Variants in MAGI3 observed in about 807,000 individuals in gnomAD.
MAGI3 encodes the protein membrane associated guanylate kinase, WW and PDZ domain containing 3.
In MAGI3, 43 loss-of-function variants were observed where a neutral mutation model predicts 121.8. That is an observed-to-expected ratio of 0.35 (90% CI 0.28 to 0.46). The LOEUF is 0.46. MAGI3 is among the 20% of genes least tolerant of loss of function. MAGI3 has a pLI of 1.00. For missense variants in MAGI3, 1,547 were observed against 1,797.3 expected, an observed-to-expected ratio of 0.86 and a Z score of 2.52; for synonymous variants, 553 against 639.3, an observed-to-expected ratio of 0.86 and a Z score of 2.04.
At chr1:113,488,069 T>C (rs1656479977) in intron 1 of MAGI3, among the ~76,000 whole-genome samples, 2 of 152,188 alleles carry the variant, frequency 1.3e-5, no homozygotes, top group African/African-American at 4.8e-5. Context: ...ATACACCAAA[T>C]ATTTTACATG....
At chr1:113,600,659 T>C (rs545343731) in intron 6 of MAGI3, among the ~76,000 whole-genome samples, 3,501 of 152,250 alleles carry the variant, frequency 0.023, 139 homozygotes, top group African/African-American at 0.079. Context: ...AGGTAATTTA[T>C]AGATTCAATG....
intron 16 of MAGI3, among the ~76,000 whole-genome samples, chr1:113,664,513 A>G (rs1653937338): frequency 6.6e-6 from 1 of 152,224 alleles, no homozygotes; most frequent in Non-Finnish European, 1.5e-5. Context: ...TCAGCCCAGA[A>G]GTTTAGGCCA....
chr1:113,674,391 TA>T (rs35665087), intron 19 of MAGI3, among the ~76,000 whole-genome samples: 45,844 of 124,110 alleles, frequency 0.37, 8,766 homozygotes, highest in South Asian at 0.51. Context: ...AAACTCCATT[TA>T]AAAAAAAAAA....
intron 1 of MAGI3, among the ~76,000 whole-genome samples, chr1:113,538,315 A>C (rs1397273654): frequency 6.6e-6 from 1 of 152,214 alleles, no homozygotes; most frequent in African/African-American, 2.4e-5. Flanking sequence ...TGATTTGTAA[A>C]GACTACTAAA....
chr1:113,588,058 G>A (rs1648486512), intron 4 of MAGI3, among the ~76,000 whole-genome samples: 1 of 152,220 alleles, frequency 6.6e-6, no homozygotes, highest in South Asian at 2.1e-4. Flanking sequence ...TCTGGTGGGA[G>A]AGACAGAACT....
intron 1 of MAGI3, among the ~76,000 whole-genome samples, chr1:113,441,541 A>G (rs912191847): frequency 2.6e-5 from 4 of 152,206 alleles, no homozygotes; most frequent in East Asian, 3.9e-4. Flanking sequence ...CCTGAGATCT[A>G]TAAAATACCA....
chr1:113,584,967 C>CTTTT (rs58296325), intron 3 of MAGI3, among the ~76,000 whole-genome samples: 2 of 135,724 alleles, frequency 1.5e-5, no homozygotes, highest in Non-Finnish European at 1.5e-5. Flanking sequence ...TAGATATTTC[C>CTTTT]TTTTTTTTTT....
intron 15 of MAGI3, among the ~76,000 whole-genome samples, chr1:113,655,802 C>T (rs1030702046): frequency 3.3e-5 from 5 of 152,140 alleles, no homozygotes; most frequent in African/African-American, 1.2e-4. Flanking sequence ...CTCCCTGTCT[C>T]ATGAATGTGA....
chr1:113,559,415 C>G (rs929380656), intron 2 of MAGI3, among the ~76,000 whole-genome samples: 3 of 151,924 alleles, frequency 2.0e-5, no homozygotes, highest in Non-Finnish European at 4.4e-5. Flanking sequence ...AGACTTCAAC[C>G]AACAGACTTT....
At chr1:113,656,286 A>G (rs574512928) in intron 15 of MAGI3, among the ~76,000 whole-genome samples, 6 of 152,234 alleles carry the variant, frequency 3.9e-5, no homozygotes, top group Non-Finnish European at 7.3e-5. Context: ...GAAAGCTCCA[A>G]TGAGGAGTTT....
chr1:113,420,074 A>G (rs1342192901), intron 1 of MAGI3, among the ~76,000 whole-genome samples: 1 of 152,228 alleles, frequency 6.6e-6, no homozygotes, highest in Non-Finnish European at 1.5e-5. Flanking sequence ...ATTTGTACTC[A>G]CATTAAGGGA....
intron 7 of MAGI3, among the ~76,000 whole-genome samples, chr1:113,617,564 T>G (rs910429270): frequency 1.3e-5 from 2 of 152,200 alleles, no homozygotes; most frequent in Non-Finnish European, 2.9e-5. Context: ...GGAAAAGGAT[T>G]ACTCATTTGC....
At chr1:113,436,612 A>G (rs1311909494) in intron 1 of MAGI3, among the ~76,000 whole-genome samples, 1 of 152,138 alleles carries the variant, frequency 6.6e-6, no homozygotes, top group African/African-American at 2.4e-5. Flanking sequence ...TGAGCTGGGT[A>G]ATGTTAATAG....
intron 2 of MAGI3, among the ~76,000 whole-genome samples, chr1:113,576,171 GCTT>G (rs1359514456): frequency 6.6e-6 from 1 of 152,118 alleles, no homozygotes; most frequent in Non-Finnish European, 1.5e-5. Context: ...TGGCTCCCTG[GCTT>G]CAGCCCCCTT....
At chr1:113,549,989 G>A (rs920173076) in intron 2 of MAGI3, among the ~76,000 whole-genome samples, 22 of 151,590 alleles carry the variant, frequency 1.5e-4, no homozygotes, top group South Asian at 2.1e-4. Context: ...GGTGGCGGGC[G>A]CCTATAATCC....
chr1:113,637,749 T>A (rs554629749), intron 9 of MAGI3, among the ~76,000 whole-genome samples: 11 of 152,330 alleles, frequency 7.2e-5, no homozygotes, highest in Non-Finnish European at 1.5e-4. Flanking sequence ...TGGCATTCTC[T>A]GTATTTCCTG....
intron 20 of MAGI3, 109 bp downstream of exon 20, chr1:113,681,445 G>A (rs926509019): frequency 3.1e-5 from 38 of 1,215,452 alleles, no homozygotes; most frequent in Non-Finnish European, 4.2e-5. Context: ...TTAATTCAGA[G>A]GTGAATGCTA....
chr1:113,403,495 A>T (rs1359704386), intron 1 of MAGI3, among the ~76,000 whole-genome samples: 1 of 152,118 alleles, frequency 6.6e-6, no homozygotes, highest in African/African-American at 2.4e-5. Context: ...ATGCAACTAA[A>T]TTCTTAATAG....
intron 2 of MAGI3, chr1:113,576,645 A>G (rs1273937597): frequency 6.6e-6 from 1 of 152,180 alleles, no homozygotes; most frequent in East Asian, 1.9e-4. Flanking sequence ...AAAGACACAA[A>G]CCCAACAGAG....
Sources: allele counts gnomAD v4.1 joint callset (sites outside exome capture counted in the v4.1 genomes callset), GRCh38; gene constraint gnomAD v4.1.1; transcripts MANE v1.5; gene names NCBI Gene and HGNC (gene_info 2026-07-23, HGNC 2026-07-21).